The following ASTN2 variants were observed in gnomAD, a reference collection of about 807,000 sequenced individuals.
ASTN2 encodes the protein astrotactin-2.
In ASTN2, 54 loss-of-function variants were observed where a neutral mutation model predicts 139.8. That is an observed-to-expected ratio of 0.39 (90% confidence interval 0.31 to 0.48). ASTN2 has a LOEUF of 0.48. Ranked by LOEUF, ASTN2 falls within the 20% of genes least tolerant of loss-of-function variation. The pLI, the probability that ASTN2 is intolerant of heterozygous loss-of-function variation, is 0.95. For synonymous variants in ASTN2, 756 were observed against 719.5 expected (o/e 1.05, Z -0.81); for missense variants, 1,565 against 1,725.1 (o/e 0.91, Z 1.64).
At chr9:117,363,738 T>C (rs923950175) in intron 1 of ASTN2, among the ~76,000 whole-genome samples, 1 of 152,154 alleles carries the variant, frequency 6.6e-6, no homozygotes, top group Non-Finnish European at 1.5e-5. Flanking sequence ...ACAGGTCTGT[T>C]ATCAGTGCCC....
Position 116,490,196 on chromosome 9 carries a change from T to C in ASTN2, c.3356-2696A>G, listed in dbSNP as rs907264669. ...AGGCCTCTTATATCAGTTTCTTTCA[T>C]AGTACAACCAGAAACTAACAATATG... On this transcript the variant is annotated intron_variant, in intron 19 of 22. Coordinates refer to ENST00000313400, the MANE Select transcript of ASTN2 (RefSeq NM_001365068.1). Among the ~76,000 whole-genome samples the C allele has an allele frequency of 4.2e-5, 6 of 143,432 alleles. No individual in the cohort carries two copies. The East Asian group carries it at 6.4e-4, about 15-fold the overall frequency. The allele number at this position is 143,432 out of a possible 152,430, so 94.1% of individuals were successfully genotyped here.
At chr9:117,202,602 T>C (rs555122583) in intron 3 of ASTN2, among the ~76,000 whole-genome samples, 2 of 152,288 alleles carry the variant, frequency 1.3e-5, no homozygotes, top group African/African-American at 4.8e-5. Flanking sequence ...TTATGAAGCT[T>C]AGTTTGGCTA....
At chr9:116,884,802 CG>C (rs1317663061) in intron 10 of ASTN2, among the ~76,000 whole-genome samples, 17 of 101,070 alleles carry the variant, frequency 1.7e-4, no homozygotes, top group Non-Finnish European at 2.6e-4. Flanking sequence ...TCCAAATATC[CG>C]CCCCCCCCCC....
At chr9:117,047,847 G>T (rs1564400657) in intron 5 of ASTN2, among the ~76,000 whole-genome samples, 1 of 151,698 alleles carries the variant, frequency 6.6e-6, no homozygotes, top group Admixed American at 6.6e-5. Context: ...AATAATAATT[G>T]TTATTATTAT....
At chr9:116,727,724 CTTGATTCA>C (rs1406659838) in intron 15 of ASTN2, among the ~76,000 whole-genome samples, 1 of 152,102 alleles carries the variant, frequency 6.6e-6, no homozygotes, top group Non-Finnish European at 1.5e-5. Context: ...CAATCAAATC[CTTGATTCA>C]TTCATTCCCT....
chr9:117,141,276 T>G, intron 4 of ASTN2, 50 bp downstream of exon 4: 2 of 1,354,036 alleles, frequency 1.5e-6, no homozygotes, highest in Non-Finnish European at 2.0e-6. Context: ...ATCTTTGGAA[T>G]CAGAGGACAA....
chr9:116,948,797 T>TGTTTTTTTTTTTTTTTTG (rs1310401796), intron 10 of ASTN2, among the ~76,000 whole-genome samples: 2 of 118,356 alleles, frequency 1.7e-5, no homozygotes, highest in East Asian at 2.2e-4. Context: ...TTTTTTTTTT[T>TGTTTTTTTTTTTTTTTTG]TTTTTTTTTT....
intron 10 of ASTN2, among the ~76,000 whole-genome samples, chr9:116,917,603 C>T (rs1428405011): frequency 6.6e-6 from 1 of 152,198 alleles, no homozygotes; most frequent in East Asian, 1.9e-4. Flanking sequence ...ATCCCAAACC[C>T]TCTACATAAG....
chr9:117,272,365 T>C (rs1478631491), intron 2 of ASTN2, among the ~76,000 whole-genome samples: 1 of 152,216 alleles, frequency 6.6e-6, no homozygotes, highest in Non-Finnish European at 1.5e-5. Flanking sequence ...TGTTTCCTCC[T>C]GGGCCTCTGG....
At chr9:117,307,029 G>A (rs868393231) in intron 1 of ASTN2, among the ~76,000 whole-genome samples, 12 of 152,132 alleles carry the variant, frequency 7.9e-5, no homozygotes, top group African/African-American at 1.7e-4. Flanking sequence ...TCTCTAGGGC[G>A]TATATACATT....
chr9:117,365,686 T>A (rs1373824191), intron 1 of ASTN2, among the ~76,000 whole-genome samples: 1 of 152,006 alleles, frequency 6.6e-6, no homozygotes, highest in Non-Finnish European at 1.5e-5. Flanking sequence ...AGGAGAGGAA[T>A]CAGAAATATT....
At chr9:117,129,570 AT>A (rs1357934293) in intron 4 of ASTN2, among the ~76,000 whole-genome samples, 4 of 152,222 alleles carry the variant, frequency 2.6e-5, no homozygotes, top group Admixed American at 2.6e-4. Context: ...ATTTTATTAT[AT>A]CTTTAATAGT....
chr9:117,137,712 T>TC (rs1383462005), intron 4 of ASTN2, among the ~76,000 whole-genome samples: 2 of 148,508 alleles, frequency 1.3e-5, no homozygotes, highest in African/African-American at 4.9e-5. Context: ...TTTCCAAACT[T>TC]TTTTTTTTTT....
In ASTN2 at chr9:117,370,091, A is replaced by AT. The variant is rs774622804; in HGVS notation, c.442+44405dup. Among the ~76,000 whole-genome samples the AT allele has an allele frequency of 8.5e-5, 13 of 152,172 alleles. No individual in the cohort carries two copies. In the East Asian group the frequency reaches 2.1e-3, roughly 25 times the overall value. ...TTCTATTAACCCCACTTGGAAGCCC[A>AT]TGAATGATTATGAATATAAATGTGA... On this transcript the variant is annotated intron_variant, in intron 1 of 22. Coordinates refer to ENST00000313400, the MANE Select transcript of ASTN2 (RefSeq NM_001365068.1).
At chr9:116,882,828 T>C (rs972650787) in intron 10 of ASTN2, among the ~76,000 whole-genome samples, 3 of 144,416 alleles carry the variant, frequency 2.1e-5, no homozygotes, top group African/African-American at 7.7e-5. Context: ...CCTTGACTCT[T>C]AAAAAAAAAA....
At chr9:116,798,420 G>C (rs1284755071) in intron 13 of ASTN2, among the ~76,000 whole-genome samples, 1 of 152,218 alleles carries the variant, frequency 6.6e-6, no homozygotes, top group East Asian at 1.9e-4. Context: ...GCTGCAATAT[G>C]AAACAGGAGA....
At chr9:117,306,560 A>C (rs1835004252) in intron 1 of ASTN2, among the ~76,000 whole-genome samples, 1 of 152,198 alleles carries the variant, frequency 6.6e-6, no homozygotes, top group South Asian at 2.1e-4. Context: ...TGGCATCTTC[A>C]GAGGCTGTTC....
At chr9:116,860,301 C>A (rs1289525965) in intron 11 of ASTN2, among the ~76,000 whole-genome samples, 1 of 152,174 alleles carries the variant, frequency 6.6e-6, no homozygotes, top group Non-Finnish European at 1.5e-5. Context: ...ACATTAGATA[C>A]GCTGTGCTCC....
chr9:116,478,196 GA>G (rs1158409726), intron 20 of ASTN2, among the ~76,000 whole-genome samples: 1 of 104,938 alleles, frequency 9.5e-6, no homozygotes, highest in African/African-American at 3.6e-5. Context: ...AGGAAGGAAG[GA>G]AAGAAGGAAA....
Sources: gnomAD v4.1 joint callset for allele counts (sites outside exome capture counted in the v4.1 genomes callset) on GRCh38, gnomAD v4.1.1 for gene constraint, MANE v1.5 for transcripts, NCBI Gene and HGNC (gene_info 2026-07-23, HGNC 2026-07-21) for gene names.